The following PRR5 variants were observed in gnomAD, a reference collection of about 807,000 sequenced individuals.
The protein encoded by PRR5 is proline-rich protein 5.
Under a neutral mutation model 30.6 loss-of-function variants are expected in PRR5, and 25 were observed. The observed-to-expected ratio is 0.82, with a 90% confidence interval of 0.60 to 1.14. PRR5 has a LOEUF of 1.14. Ranked by LOEUF, PRR5 falls within the 50% of genes most tolerant of loss-of-function variation. The probability of loss-of-function intolerance (pLI) is 0.00; values close to 1 mark genes in which losing one functional copy is unlikely to be tolerated. For synonymous variants in PRR5, 286 were observed against 247.1 expected, an observed-to-expected ratio of 1.16 and a Z score of -1.48; for missense variants, 600 against 547.1, an observed-to-expected ratio of 1.10 and a Z score of -0.96.
chr22:44,731,026 G>A (rs748768081), intron 4 of PRR5: 16 of 358,384 alleles, frequency 4.5e-5, no homozygotes, highest in Non-Finnish European at 9.4e-5. Context: ...GTGTTTGTTG[G>A]AGGGGCAGAT....
intron 6 of PRR5, chr22:44,734,813 G>A (rs1018135887): frequency 5.3e-5 from 34 of 642,574 alleles, no homozygotes; most frequent in Non-Finnish European, 8.2e-5. Context: ...CCCAGATCCC[G>A]ACGCTGCTGT....
chr22:44,687,043 G>T (rs1472015124), intron 1 of PRR5, among the ~76,000 whole-genome samples: 3 of 152,180 alleles, frequency 2.0e-5, no homozygotes, highest in Non-Finnish European at 4.4e-5. Context: ...CCCTCAGGCT[G>T]GTCTGTTTCT....
chr22:44,709,713 G>C (rs1927852483), intron 1 of PRR5, among the ~76,000 whole-genome samples: 1 of 152,146 alleles, frequency 6.6e-6, no homozygotes, highest in Admixed American at 6.5e-5. Context: ...TTATCCAGGA[G>C]TGGTGGCGCG....
chr22:44,669,930 G>A (rs1569056316), intron 1 of PRR5, among the ~76,000 whole-genome samples: 1 of 152,200 alleles, frequency 6.6e-6, no homozygotes, highest in East Asian at 1.9e-4. Context: ...AGAATCCTGG[G>A]GGTAAGCTGG....
chr22:44,722,439 C>T (rs1313614285), intron 2 of PRR5, among the ~76,000 whole-genome samples: 4 of 152,198 alleles, frequency 2.6e-5, no homozygotes, highest in South Asian at 2.1e-4. Flanking sequence ...CCCCAGGCTC[C>T]GGTGATGGCC....
At chr22:44,671,188 C>T (rs1923406327) in intron 1 of PRR5, among the ~76,000 whole-genome samples, 1 of 152,178 alleles carries the variant, frequency 6.6e-6, no homozygotes, top group Admixed American at 6.5e-5. Flanking sequence ...GACCCTCATC[C>T]TGAAGCCCAG....
chr22:44,682,844 G>T (rs1924418569), intron 1 of PRR5, among the ~76,000 whole-genome samples: 1 of 152,198 alleles, frequency 6.6e-6, no homozygotes, highest in African/African-American at 2.4e-5. Context: ...GCCCACTAGG[G>T]AATGTGCCCA....
intron 1 of PRR5, among the ~76,000 whole-genome samples, chr22:44,710,014 C>T (rs188914172): frequency 6.6e-6 from 1 of 152,170 alleles, no homozygotes; most frequent in Non-Finnish European, 1.5e-5. Context: ...ACCACCCTGA[C>T]CCCCTACCCG....
intron 1 of PRR5, among the ~76,000 whole-genome samples, chr22:44,713,953 G>A (rs1312137385): frequency 6.6e-6 from 1 of 152,194 alleles, no homozygotes; most frequent in Non-Finnish European, 1.5e-5. Context: ...ACAGGCGCCC[G>A]CCATCGCGCC....
At chr22:44,717,186 A>AC (rs982252160) in intron 2 of PRR5, among the ~76,000 whole-genome samples, 24 of 109,674 alleles carry the variant, frequency 2.2e-4, no homozygotes, top group Non-Finnish European at 4.3e-4. Flanking sequence ...GGTCCCCCTT[A>AC]CCCTTTTTTT....
intron 2 of PRR5, among the ~76,000 whole-genome samples, chr22:44,718,265 G>A (rs1929413197): frequency 7.1e-6 from 1 of 141,798 alleles, no homozygotes; most frequent in African/African-American, 2.6e-5. Flanking sequence ...GGCGATCTTG[G>A]CTCACTGCAA....
chr22:44,699,147 C>A (rs1926031136), upstream of PRR5, among the ~76,000 whole-genome samples: 1 of 152,242 alleles, frequency 6.6e-6, no homozygotes, highest in Non-Finnish European at 1.5e-5. Flanking sequence ...GCCATCCCCA[C>A]CTCCGGAATT....
rs559539632 is a variant in PRR5 at position 44,691,641 on chromosome 22, G to A, written c.-10-10851G>A. 6.6e-6 allele frequency among the ~76,000 whole-genome samples: 1 copy of A among 152,300 alleles called. No homozygotes were observed. The highest frequency in any genetic ancestry group is 1.9e-4 in the East Asian group (1 of 5,180). ...ACACAAAAACTAGCCAGGCGTGGTG[G>A]TGCACGCCTGTAATCGCAGCTACTC... is the stretch of plus-strand genomic sequence containing the variant. On this transcript the variant is annotated intron_variant, in intron 1 of 8. Coordinates refer to the PRR5 transcript ENST00000006251. This position sits in a 1 kb window ranked among gnomAD's most constrained non-coding sequence, Gnocchi z 4.4.
intron 1 of PRR5, among the ~76,000 whole-genome samples, chr22:44,705,071 G>A (rs1304708236): frequency 1.3e-5 from 2 of 152,148 alleles, no homozygotes; most frequent in African/African-American, 2.4e-5. Flanking sequence ...CCTTTTATCT[G>A]TGTGACTGTA....
chr22:44,737,676 A>G lies in PRR5; in HGVS notation c.*429A>G, dbSNP rs192590933. On this transcript the variant is annotated 3_prime_UTR_variant, in exon 8 of 8. Coordinates refer to ENST00000336985, the MANE Select transcript of PRR5 (RefSeq NM_181333.4). ...GAAGGGGGTGGAATAAAACCTGTCA[A>G]CCTGGCTCATGTCTGCAGTGCCTGC... 1 of 176,176 alleles carries G rather than the reference A, an allele frequency of 5.7e-6. No individual in the cohort carries two copies. The highest frequency in any genetic ancestry group is 5.5e-5 in the Admixed American group (1 of 18,268). The allele number at this position is 176,176 out of a possible 1,614,324, so 10.9% of individuals were successfully genotyped here.
chr22:44,702,227 T>A lies in PRR5; in HGVS notation c.-248T>A. The stretch of plus-strand genomic sequence containing the variant: ...CCGGCCTCCGTTTGCGCCGGGTCTG[T>A]GCTGGCCGCGCGCCTGGCGCTCCAC... On this transcript the variant is annotated 5_prime_UTR_variant, in exon 1 of 8. Coordinates refer to ENST00000336985, the MANE Select transcript of PRR5 (RefSeq NM_181333.4). The A allele has an allele frequency of 1.8e-6, 2 of 1,104,128 alleles. No homozygotes were observed. The highest frequency in any genetic ancestry group is 2.2e-6 in the Non-Finnish European group (2 of 905,148). The allele number at this position is 1,104,128 out of a possible 1,614,324, so 68.4% of individuals were successfully genotyped here.
chr22:44,689,797 C>T (rs1048105810), intron 1 of PRR5, among the ~76,000 whole-genome samples: 18 of 152,310 alleles, frequency 1.2e-4, no homozygotes, highest in African/African-American at 4.3e-4. Context: ...TACAGGCGCC[C>T]GCCACCACGC....
upstream of PRR5, among the ~76,000 whole-genome samples, chr22:44,675,017 G>A (rs34495307): frequency 6.1e-3 from 913 of 150,764 alleles, 6 homozygotes; most frequent in Middle Eastern, 0.014. Context: ...GGGAGGCCGA[G>A]GCGGGTGGAT....
At chr22:44,734,207 G>A (rs549716452) in intron 6 of PRR5, 1 of 152,378 alleles carries the variant, frequency 6.6e-6, no homozygotes, top group East Asian at 1.9e-4. Context: ...GGGAGGCGGA[G>A]GTTGCAGTGA....
Sources: gnomAD v4.1 joint callset for allele counts (sites outside exome capture counted in the v4.1 genomes callset) on GRCh38, gnomAD v4.1.1 for gene constraint, Gnocchi (gnomAD v3.1) non-coding constraint, MANE v1.5 for transcripts, NCBI Gene and HGNC (gene_info 2026-07-23, HGNC 2026-07-21) for gene names.